The following ESYT2 variants were observed in gnomAD, a reference collection of about 807,000 sequenced individuals.
ESYT2 encodes the protein extended synaptotagmin-2.
In ESYT2, 54 loss-of-function variants were observed where a neutral mutation model predicts 107.2. The observed-to-expected ratio is 0.50, with a 90% confidence interval of 0.40 to 0.63. ESYT2 has a LOEUF of 0.63. Among genes scored for constraint, ESYT2 ranks in the 30% least tolerant of loss-of-function variants. ESYT2 has a pLI of 0.00. For synonymous variants in ESYT2, 491 were observed against 434.1 expected, an observed-to-expected ratio of 1.13 and a Z score of -1.63; for missense variants, 1,020 against 1,094.5, an observed-to-expected ratio of 0.93 and a Z score of 0.96.
rs547494517 is a variant in ESYT2, at chr7:158,731,979, G to A, written c.*2228C>T. The stretch of plus-strand genomic sequence containing the variant: ...AGCTACTGGAGGCCAAGCACCTCCA[G>A]GCACTCAAGGCCCTGGGGACAGCGC... On this transcript the variant is annotated 3_prime_UTR_variant, in exon 23 of 23. Transcript: ENST00000275418. 6.6e-6 allele frequency: 1 copy of A among 152,142 alleles called. No individual in the cohort carries two copies. The highest frequency in any genetic ancestry group is 1.5e-5 in the Non-Finnish European group (1 of 68,048). The allele number at this position is 152,142 out of a possible 1,614,324, so 9.4% of individuals were successfully genotyped here.
intron 11 of ESYT2, 130 bp from the exon 12 acceptor site, chr7:158,760,277 G>C (rs1837914495): frequency 1.3e-6 from 1 of 757,096 alleles, no homozygotes; most frequent in South Asian, 1.7e-5. Context: ...GTAACGCGAA[G>C]GCTGAGCCTC....
intron 19 of ESYT2, 151 bp downstream of exon 19, chr7:158,738,872 C>G (rs746677284): frequency 3.9e-6 from 3 of 762,746 alleles, no homozygotes; most frequent in Admixed American, 2.7e-5. Context: ...ACACCCTTTA[C>G]GAGCACCGTC....
At position 158,803,644 on chromosome 7, in the gene ESYT2, A is replaced by G. The variant is rs573036304; in HGVS notation, c.331-4572T>C. 1.6e-4 allele frequency among the ~76,000 whole-genome samples: 25 copies of G among 152,372 alleles called. No homozygotes were observed. In the South Asian group the frequency reaches 4.8e-3, roughly 29 times the overall value. ...GACTTGCAGAAAGTTAAAACTGCCC[A>G]GAAAATTTTGGTTCACACACAGCAC... On this transcript the variant is annotated intron_variant, in intron 1 of 22. Transcript: ENST00000275418.
chr7:158,773,306 A>G (rs771816993), intron 7 of ESYT2, 35 bp downstream of exon 7: 170 of 1,613,234 alleles, frequency 1.1e-4, no homozygotes, highest in African/African-American at 9.1e-4. Context: ...CACGCCCTCG[A>G]ACGCTAAGCC....
rs146043051 is a variant in ESYT2, at chr7:158,790,317, C to T, written c.585-1900G>A. The stretch of plus-strand genomic sequence containing the variant: ...ATGATCCTTAGTAAAGGATCAAAAA[C>T]AGCACACAACTCTGAGTTGCTAGAC... On this transcript the variant is annotated intron_variant, in intron 4 of 22. Transcript: ENST00000275418. Among the ~76,000 whole-genome samples the T allele has an allele frequency of 4.9e-3, 741 of 152,256 alleles. 11 individuals carry two copies. Among genetic ancestry groups the T allele is most frequent in the African/African-American group, 0.016 (671 of 41,536 alleles).
At chr7:158,777,410 C>T (rs1353176785) in intron 6 of ESYT2, among the ~76,000 whole-genome samples, 1 of 152,148 alleles carries the variant, frequency 6.6e-6, no homozygotes, top group Non-Finnish European at 1.5e-5. Flanking sequence ...CTGTAATCTC[C>T]ATGTGTTGAG....
intron 14 of ESYT2, among the ~76,000 whole-genome samples, chr7:158,750,403 T>C (rs1175316937): frequency 6.6e-6 from 1 of 152,076 alleles, no homozygotes; most frequent in African/African-American, 2.4e-5. Context: ...ACGTGTGACA[T>C]GAGGTTTATT....
rs13233513 is a variant in ESYT2 at position 158,798,049 on chromosome 7, A to T, written c.400T>A (p.Cys134Ser). 167,815 of 1,613,918 alleles carry T rather than the reference A, an allele frequency of 0.1. 9,118 individuals carry two copies. Among genetic ancestry groups the T allele is most frequent in the African/African-American group, 0.13 (10,025 of 74,964 alleles). Residue 134 changes from cysteine to serine, a missense_variant, in exon 3 of 23, where the codon TGC becomes AGC. Physicochemically the swap from Cys to Ser is moderately radical, Grantham distance 112. Coordinates refer to ENST00000275418, the MANE Select transcript of ESYT2 (RefSeq NM_001367773.1). ...CGAAACAACTTCTCTATAAATTGGC[A>T]AATGAAAGGCCACATGTGTTTTACA... ...KTVKHMWPFI[C>S]QFIEKLFRET...
chr7:158,802,796 T>A (rs557075795), intron 1 of ESYT2, among the ~76,000 whole-genome samples: 14 of 152,248 alleles, frequency 9.2e-5, no homozygotes, highest in Non-Finnish European at 1.5e-4. Flanking sequence ...GAGGCATTGC[T>A]GATTTAATAC....
intron 1 of ESYT2, among the ~76,000 whole-genome samples, chr7:158,801,966 G>A (rs1165562269): frequency 6.6e-6 from 1 of 152,106 alleles, no homozygotes; most frequent in East Asian, 1.9e-4. Flanking sequence ...ACAATTAGTG[G>A]CTCCATCTAA....
At position 158,765,698 on chromosome 7, in the gene ESYT2, T is replaced by C. The variant is rs553652769; in HGVS notation, c.925-845A>G. Reference sequence around the variant, plus strand: ...TTGCAGTGAGCTGAGATGGCGCCACTGCATTCCAGCCTGAGCGACAGAGCA... The same window carrying C: ...TTGCAGTGAGCTGAGATGGCGCCACCGCATTCCAGCCTGAGCGACAGAGCA... On this transcript the variant is annotated intron_variant, in intron 8 of 22. Transcript: ENST00000275418. 2.0e-5 allele frequency among the ~76,000 whole-genome samples: 3 copies of C among 152,242 alleles called. No individual in the cohort carries two copies. In the East Asian group the frequency reaches 5.8e-4, roughly 29 times the overall value.
chr7:158,767,041 A>G (rs1205283523), intron 8 of ESYT2, among the ~76,000 whole-genome samples: 3 of 152,212 alleles, frequency 2.0e-5, no homozygotes, highest in South Asian at 2.1e-4. Flanking sequence ...GTGCTGTCCC[A>G]TTTTACAGAT....
intron 19 of ESYT2, among the ~76,000 whole-genome samples, chr7:158,738,340 C>A (rs1417402700): frequency 0.28 from 18,034 of 63,298 alleles, 2,024 homozygotes; most frequent in East Asian, 0.52. Flanking sequence ...CACACACACA[C>A]ACAGACACAC....
intron 3 of ESYT2, among the ~76,000 whole-genome samples, chr7:158,794,247 A>C (rs1374506219): frequency 6.6e-6 from 1 of 152,090 alleles, no homozygotes; most frequent in Non-Finnish European, 1.5e-5. Flanking sequence ...TAATTCCAAC[A>C]CTTTGGGATA....
At chr7:158,792,304 A>G (rs7802532) in intron 4 of ESYT2, among the ~76,000 whole-genome samples, 19,168 of 151,144 alleles carry the variant, frequency 0.13, 1,387 homozygotes, top group African/African-American at 0.2. Flanking sequence ...TGAGTGGATC[A>G]CTTGAGCCCA....
intron 6 of ESYT2, among the ~76,000 whole-genome samples, chr7:158,786,192 T>A (rs1317528134): frequency 6.6e-6 from 1 of 152,218 alleles, no homozygotes; most frequent in Non-Finnish European, 1.5e-5. Flanking sequence ...CAATGGAAGA[T>A]CCAAACTAAG....
Position 158,829,159 on chromosome 7 carries a change from G to A in ESYT2, c.260C>T (p.Ala87Val). 6.4e-7 allele frequency: 1 copy of A among 1,556,358 alleles called. No homozygotes were observed. The change falls in exon 1 of 23, where the codon GCG (alanine) becomes GTG (valine). Residue 87 changes from alanine to valine, a missense_variant. By Grantham distance (64) the Ala-to-Val change is moderately conservative. Coordinates refer to ENST00000275418, the MANE Select transcript of ESYT2 (RefSeq NM_001367773.1). ...RGLKALRLCR[A>V]LALLEDEERV... ...CTCCTCGTCTTCCAGCAGCGCCAGC[G>A]CGCGGCACAGGCGCAGGGCCTTGAG... is the stretch of plus-strand genomic sequence containing the variant.
At chr7:158,826,819 C>A (rs371808122) in intron 1 of ESYT2, among the ~76,000 whole-genome samples, 520 of 116,910 alleles carry the variant, frequency 4.4e-3, no homozygotes, top group Non-Finnish European at 5.2e-3. Flanking sequence ...GATTCCGTCT[C>A]AAAAAAAAAA....
In ESYT2 at chr7:158,803,153, C is replaced by T. The variant is rs1584870044; in HGVS notation, c.331-4081G>A. ...CAGGCCCCACCAGCATAGGTGGGGG[C>T]CAACGCGCCGTTCCCCGGAGCACAC... On this transcript the variant is annotated intron_variant, in intron 1 of 22. Coordinates refer to ENST00000275418, the MANE Select transcript of ESYT2 (RefSeq NM_001367773.1). Among the ~76,000 whole-genome samples the T allele has an allele frequency of 2.0e-5, 3 of 152,236 alleles. No homozygotes were observed. In the South Asian group the frequency reaches 6.2e-4, roughly 32 times the overall value.
Sources: allele counts gnomAD v4.1 joint callset (sites outside exome capture counted in the v4.1 genomes callset), GRCh38; gene constraint gnomAD v4.1.1; transcripts MANE v1.5; gene names NCBI Gene and HGNC (gene_info 2026-07-23, HGNC 2026-07-21).